The following NRK variants were observed in gnomAD, a reference collection of about 807,000 sequenced individuals.
The protein encoded by NRK is nik-related protein kinase.
NRK carries 67 observed loss-of-function variants against 125.2 expected under a neutral mutation model. That is an observed-to-expected ratio of 0.54 (90% CI 0.44 to 0.66). The LOEUF is 0.66. Ranked by LOEUF, NRK falls within the 30% of genes least tolerant of loss-of-function variation. NRK has a pLI of 0.00. For missense variants in NRK, 1,224 were observed against 1,192.9 expected (o/e 1.03, Z -0.38); for synonymous variants, 458 against 429.0 (o/e 1.07, Z -0.84).
intron 1 of NRK, among the ~76,000 whole-genome samples, chrX:105,825,522 A>G (rs748436153): frequency 4.4e-5 from 5 of 112,612 alleles, no homozygotes; most frequent in African/African-American, 1.3e-4. Flanking sequence ...CTAAATGACC[A>G]CAAGACAAAG....
At position 105,860,187 on chromosome X, in the gene NRK, CT is replaced by C. The variant is rs1355618464; in HGVS notation, c.124-20011del. Among the ~76,000 whole-genome samples, 3 of 111,388 alleles carry C rather than the reference CT, an allele frequency of 2.7e-5. No homozygotes were observed. The Admixed American group carries it at 2.9e-4, about 11-fold the overall frequency. Reference sequence around the variant, plus strand: ...ACTTGCCTTATAGTCACAGAGTTAGCTAATGATAAACAGCTGGAATTCAAAG... The same window carrying C: ...ACTTGCCTTATAGTCACAGAGTTAGCAATGATAAACAGCTGGAATTCAAAG... On this transcript the variant is annotated intron_variant, in intron 2 of 28. Coordinates refer to ENST00000243300, the MANE Select transcript of NRK (RefSeq NM_198465.4).
chrX:105,886,913 C>A (rs1644205926), intron 4 of NRK, among the ~76,000 whole-genome samples: 1 of 110,774 alleles, frequency 9.0e-6, no homozygotes, highest in African/African-American at 3.3e-5. Context: ...TGAGGTTGGA[C>A]TTTTACTTTA....
chrX:105,909,509 A>G lies in NRK; in HGVS notation c.1868A>G (p.Gln623Arg). 1 of 1,210,747 alleles carries G rather than the reference A, an allele frequency of 8.3e-7. No individual in the cohort carries two copies. Among genetic ancestry groups the G allele is most frequent in the Non-Finnish European group, 1.1e-6 (1 of 894,934 alleles). The change falls in exon 13 of 29, where the codon CAG (glutamine) becomes CGG (arginine). Residue 623 changes from glutamine to arginine, a missense_variant. By Grantham distance (43) the Gln-to-Arg change is conservative (BLOSUM62 1). Transcript: ENST00000243300. Reference sequence around the variant, plus strand: ...CAAACTGAAGGATCACCTCAGGCACAGGCTTGGACACTAGAACCCCCACAG... The same window carrying G: ...CAAACTGAAGGATCACCTCAGGCACGGGCTTGGACACTAGAACCCCCACAG... ...EGQTEGSPQA[Q>R]AWTLEPPQAI...
At chrX:105,952,926 A>G in intron 27 of NRK, 108 bp from the exon 28 acceptor site, 1 of 655,463 alleles carries the variant, frequency 1.5e-6, no homozygotes, top group East Asian at 3.8e-5. Context: ...GCTAACCTGA[A>G]CTGTAACAAT....
chrX:105,847,038 G>A (rs1381688180), intron 2 of NRK, among the ~76,000 whole-genome samples: 1 of 111,965 alleles, frequency 8.9e-6, no homozygotes, highest in Non-Finnish European at 1.9e-5. Context: ...AGCCAGGTCT[G>A]TAATGAGATA....
chrX:105,902,763 T>C (rs1243795243), intron 9 of NRK, among the ~76,000 whole-genome samples: 1 of 111,344 alleles, frequency 9.0e-6, no homozygotes, highest in East Asian at 2.9e-4. Flanking sequence ...GAACTAAGCA[T>C]GCAAGGGATC....
At chrX:105,882,928 C>T (rs2039902461) in intron 4 of NRK, among the ~76,000 whole-genome samples, 1 of 112,068 alleles carries the variant, frequency 8.9e-6, no homozygotes, top group African/African-American at 3.2e-5. Flanking sequence ...AGACCTGTCC[C>T]AAACCCTCTC....
intron 2 of NRK, among the ~76,000 whole-genome samples, chrX:105,863,801 A>G (rs1257347528): frequency 8.9e-6 from 1 of 112,162 alleles, no homozygotes; most frequent in African/African-American, 3.2e-5. Flanking sequence ...TCCATTTCTT[A>G]CACTGACATT....
intron 2 of NRK, among the ~76,000 whole-genome samples, chrX:105,874,698 G>C (rs2039790968): frequency 1.8e-5 from 2 of 111,620 alleles, no homozygotes; most frequent in Admixed American, 1.9e-4. Flanking sequence ...TCAGGGACAT[G>C]CAACATATTC....
chrX:105,875,621 C>T (rs1382733427), intron 2 of NRK, among the ~76,000 whole-genome samples: 1 of 109,845 alleles, frequency 9.1e-6, no homozygotes, highest in Non-Finnish European at 1.9e-5. Flanking sequence ...GACCTATTGC[C>T]CCCCAAATCA....
In NRK at chrX:105,909,316, C is replaced by T. The variant is rs1272868691; in HGVS notation, c.1675C>T (p.Pro559Ser). 5.0e-6 allele frequency: 6 copies of T among 1,204,248 alleles called. No homozygotes were observed. The highest frequency in any genetic ancestry group is 4.4e-5 in the Admixed American group (2 of 45,200). Residue 559 changes from proline to serine, a missense_variant, in exon 13 of 29, where the codon CCA (proline) becomes TCA (serine). Coordinates refer to ENST00000243300, the MANE Select transcript of NRK (RefSeq NM_198465.4). ...GGAGCAGAACCAGGCACCTGAACAG[C>T]CAGAGGTACAGGAACAGGCTGCCGA... ...ELEQNQAPEQPEVQEQAAEPA... is the reference protein window; with the variant it reads ...ELEQNQAPEQSEVQEQAAEPA...
intron 2 of NRK, among the ~76,000 whole-genome samples, chrX:105,833,182 T>C (rs2039217194): frequency 9.0e-6 from 1 of 111,591 alleles, no homozygotes; most frequent in Admixed American, 9.6e-5. Flanking sequence ...TGACCAAATG[T>C]TTTCAAACCA....
At chrX:105,851,882 T>C (rs1365984826) in intron 2 of NRK, among the ~76,000 whole-genome samples, 2 of 111,266 alleles carry the variant, frequency 1.8e-5, no homozygotes. Context: ...CCACTGACCC[T>C]GGTTCATTTA....
At chrX:105,936,927 C>A (rs2040673072) in intron 21 of NRK, among the ~76,000 whole-genome samples, 1 of 111,072 alleles carries the variant, frequency 9.0e-6, no homozygotes, top group African/African-American at 3.3e-5. Context: ...ATTTTAAAAT[C>A]ATTCAAACAT....
chrX:105,828,874 A>T (rs1002828440), intron 1 of NRK, among the ~76,000 whole-genome samples: 3 of 111,922 alleles, frequency 2.7e-5, no homozygotes, highest in African/African-American at 9.7e-5. Flanking sequence ...GATAAATTAC[A>T]TGTTCGTTGG....
rs1029286426 is a variant in NRK at position 105,885,837 on chromosome X, A to AT, written c.253-2450dup. Among the ~76,000 whole-genome samples, 5 of 112,022 alleles carry AT rather than the reference A, an allele frequency of 4.5e-5. No homozygotes were observed. In the East Asian group the frequency reaches 1.4e-3, roughly 32 times the overall value. On this transcript the variant is annotated intron_variant, in intron 4 of 28. Transcript: ENST00000243300. Reference sequence around the variant, plus strand: ...TGTGATAATACATTGCATTTATAGAATTTTTTTCAAAGATTTCAAAGAACT... The same window carrying AT: ...TGTGATAATACATTGCATTTATAGAATTTTTTTTCAAAGATTTCAAAGAACT...
Position 105,909,267 on chromosome X carries a change from C to A in NRK, c.1626C>A (p.His542Gln), listed in dbSNP as rs1186793487. ...QGQAPEQQQR[H>Q]NQVPEQELEQ... Reference sequence around the variant, plus strand: ...AGGCCCCTGAACAACAGCAGAGGCACAACCAGGTGCCTGAACAAGAGCTGG... The same window carrying A: ...AGGCCCCTGAACAACAGCAGAGGCAAAACCAGGTGCCTGAACAAGAGCTGG... Residue 542 changes from histidine (H) to glutamine (Q), a missense_variant, in exon 13 of 29, where the codon CAC becomes CAA. His to Gln is a conservative substitution (Grantham distance 24). Coordinates refer to ENST00000243300, the MANE Select transcript of NRK (RefSeq NM_198465.4). 1 of 1,207,917 alleles carries A rather than the reference C, an allele frequency of 8.3e-7. No homozygotes were observed. Among genetic ancestry groups the A allele is most frequent in the Non-Finnish European group, 1.1e-6 (1 of 893,457 alleles).
rs368907776 is a variant in NRK, at chrX:105,946,014, A to G, written c.4202A>G (p.Lys1401Arg). ...PDELLHLLKL[K>R]VFPTLDHKPV... is the part of the protein sequence containing the mutation. ...GAGCTCCTTCATTTGCTGAAGCTCA[A>G]GGCAAGGAACTTGAAGACAGCAAAC... Residue 1401 changes from lysine to arginine, a missense_variant and splice_region_variant, in exon 25 of 29, where the codon AAG (lysine) becomes AGG (arginine). Coordinates refer to ENST00000243300, the MANE Select transcript of NRK (RefSeq NM_198465.4). 3 of 1,207,340 alleles carry G rather than the reference A, an allele frequency of 2.5e-6. No homozygotes were observed. The highest frequency in any genetic ancestry group is 3.4e-6 in the Non-Finnish European group (3 of 892,571).
At chrX:105,826,136 T>C (rs975278319) in intron 1 of NRK, among the ~76,000 whole-genome samples, 1 of 93,910 alleles carries the variant, frequency 1.1e-5, no homozygotes, top group Non-Finnish European at 2.1e-5. Flanking sequence ...TATGGTAAGA[T>C]ATATATATGA....
Sources: gnomAD v4.1 joint callset for allele counts (sites outside exome capture counted in the v4.1 genomes callset) on GRCh38, gnomAD v4.1.1 for gene constraint, MANE v1.5 for transcripts, NCBI Gene and HGNC (gene_info 2026-07-23, HGNC 2026-07-21) for gene names.